Variants in COLEC10 observed in about 807,000 individuals in gnomAD.
COLEC10 encodes the protein collectin subfamily member 10.
A neutral mutation model predicts 28.4 loss-of-function variants in COLEC10; 22 were observed. That is an observed-to-expected ratio of 0.78 (90% CI 0.55 to 1.11). The LOEUF is 1.11. COLEC10 is among the 50% of genes least tolerant of loss of function. COLEC10 has a pLI of 0.00. For synonymous variants in COLEC10, 125 were observed against 116.1 expected (o/e 1.08, Z -0.49); for missense variants, 361 against 344.1 (o/e 1.05, Z -0.39).
the COLEC10 span, among the ~76,000 whole-genome samples, chr8:118,965,279 A>G: frequency 6.6e-6 from 1 of 152,132 alleles, no homozygotes; most frequent in Admixed American, 6.5e-5. Context: ...TAGAGAACTC[A>G]GGCTCTTTCT....
At chr8:119,028,673 G>A (rs537140384) in intron 2 of COLEC10, among the ~76,000 whole-genome samples, 1 of 152,182 alleles carries the variant, frequency 6.6e-6, no homozygotes, top group South Asian at 2.1e-4. Flanking sequence ...TTTGGGTGGG[G>A]ACACAGTCAA....
chr8:118,978,887 G>A, the COLEC10 span, among the ~76,000 whole-genome samples: 4 of 151,666 alleles, frequency 2.6e-5, no homozygotes, highest in Non-Finnish European at 4.4e-5. Flanking sequence ...TATCACTTAG[G>A]CATTTTTAAA....
chr8:118,993,895 A>G (rs535034780), upstream of COLEC10, among the ~76,000 whole-genome samples: 46 of 152,276 alleles, frequency 3.0e-4, no homozygotes, highest in African/African-American at 1.0e-3. Flanking sequence ...GGCCCTGGTT[A>G]AAGATGAAGA....
the COLEC10 span, among the ~76,000 whole-genome samples, chr8:118,969,007 T>C: frequency 3.9e-5 from 6 of 151,976 alleles, no homozygotes; most frequent in Non-Finnish European, 8.8e-5. Flanking sequence ...ACATAATTGA[T>C]TACATTAAGG....
rs146208757 is a variant in COLEC10 at position 119,086,322 on chromosome 8, G to T, written c.149-3358G>T. 3.5e-3 allele frequency among the ~76,000 whole-genome samples: 526 copies of T among 152,174 alleles called. 3 individuals carry two copies. The highest frequency in any genetic ancestry group is 0.012 in the African/African-American group (506 of 41,528). ...GGCTATTTCTAAATGAAGTAAAATAGTGTAAATTGTCCTACTCATCCAGTA... is the reference window on the plus strand; with the variant it reads ...GGCTATTTCTAAATGAAGTAAAATATTGTAAATTGTCCTACTCATCCAGTA... On this transcript the variant is annotated intron_variant, in intron 1 of 5. Coordinates refer to ENST00000332843, the MANE Select transcript of COLEC10 (RefSeq NM_006438.5).
upstream of COLEC10, among the ~76,000 whole-genome samples, chr8:118,991,693 C>T (rs147061618): frequency 1.7e-3 from 263 of 152,282 alleles, no homozygotes; most frequent in Middle Eastern, 0.014. Context: ...TCTTCTACTT[C>T]TGGATTTTCT....
intron 2 of COLEC10, among the ~76,000 whole-genome samples, chr8:119,012,726 A>G (rs1266355286): frequency 6.6e-6 from 1 of 150,470 alleles, no homozygotes; most frequent in African/African-American, 2.5e-5. Flanking sequence ...GAATTCATTC[A>G]TTTTATCTAG....
At chr8:119,008,952 T>A (rs76271417) in intron 1 of COLEC10, among the ~76,000 whole-genome samples, 1,922 of 151,110 alleles carry the variant, frequency 0.013, 163 homozygotes, top group African/African-American at 0.045. Flanking sequence ...CTTTTTTTCC[T>A]GAGCATTATT....
In COLEC10 at chr8:119,089,702, T is replaced by C; in HGVS notation, c.171T>C (p.Asp57=). 6.2e-7 allele frequency: 1 copy of C among 1,613,526 alleles called. No homozygotes were observed. Among genetic ancestry groups the C allele is most frequent in the Non-Finnish European group, 8.5e-7 (1 of 1,179,690 alleles). Residue 57 remains aspartate (D), a synonymous_variant, in exon 2 of 6, where the codon GAT becomes GAC. Coordinates refer to ENST00000332843, the MANE Select transcript of COLEC10 (RefSeq NM_006438.5). ...AAGGAGATGATGGTGAAAAAGGAGA[T>C]CCAGGAGAAGAGGGAAAGCATGGCA... ...GPKGDDGEKG[D]PGEEGKHGKV...
chr8:119,079,357 T>C (rs142755831), intron 1 of COLEC10, among the ~76,000 whole-genome samples: 289 of 152,272 alleles, frequency 1.9e-3, no homozygotes, highest in Non-Finnish European at 3.7e-3. Flanking sequence ...TAAAGTCCCA[T>C]ACCCTTTCAG....
At chr8:119,004,385 T>G (rs1205003413) in intron 1 of COLEC10, among the ~76,000 whole-genome samples, 1 of 151,732 alleles carries the variant, frequency 6.6e-6, no homozygotes, top group East Asian at 2.0e-4. Flanking sequence ...CCTAAGTGGC[T>G]AAGAGCTGCC....
At chr8:119,035,007 C>A (rs1303723794) in intron 2 of COLEC10, among the ~76,000 whole-genome samples, 1 of 152,182 alleles carries the variant, frequency 6.6e-6, no homozygotes, top group East Asian at 1.9e-4. Flanking sequence ...AGCGGCAATA[C>A]TAATAGGGTA....
the COLEC10 span, among the ~76,000 whole-genome samples, chr8:118,952,697 T>A: frequency 2.0e-5 from 3 of 152,284 alleles, no homozygotes; most frequent in East Asian, 5.8e-4. Flanking sequence ...AACCCCACCA[T>A]CATCAAAGGG....
chr8:119,011,171 G>C (rs1395084326), intron 2 of COLEC10, among the ~76,000 whole-genome samples: 3 of 150,994 alleles, frequency 2.0e-5, no homozygotes, highest in Non-Finnish European at 4.4e-5. Flanking sequence ...AGGTTGTAAA[G>C]TCTGTGTCTA....
chr8:118,962,080 A>G, the COLEC10 span, among the ~76,000 whole-genome samples: 3 of 152,182 alleles, frequency 2.0e-5, no homozygotes, highest in African/African-American at 7.2e-5. Context: ...TCTGGCACCC[A>G]TACAAAAATG....
At chr8:119,089,654 CT>C in intron 1 of COLEC10, 25 bp from the exon 2 acceptor site, 1 of 1,573,378 alleles carries the variant, frequency 6.4e-7, no homozygotes, top group Non-Finnish European at 8.7e-7. Context: ...AGATGCTTCA[CT>C]CTATCTCATT....
chr8:118,956,137 A>G, the COLEC10 span, among the ~76,000 whole-genome samples: 1 of 152,050 alleles, frequency 6.6e-6, no homozygotes, highest in African/African-American at 2.4e-5. Flanking sequence ...AGGGTTAGAG[A>G]GTTCTCTGGG....
chr8:119,024,435 C>T (rs1359169914), intron 2 of COLEC10, among the ~76,000 whole-genome samples: 2 of 151,892 alleles, frequency 1.3e-5, no homozygotes, highest in Non-Finnish European at 2.9e-5. Flanking sequence ...TGTATATGAC[C>T]TCAGATGAGA....
At chr8:119,097,468 C>T (rs556599323) in intron 3 of COLEC10, among the ~76,000 whole-genome samples, 17 of 151,944 alleles carry the variant, frequency 1.1e-4, no homozygotes, top group South Asian at 2.1e-4. Flanking sequence ...CATTCATTGA[C>T]GAAAATATTA....
Sources: allele counts gnomAD v4.1 joint callset (sites outside exome capture counted in the v4.1 genomes callset), GRCh38; gene constraint gnomAD v4.1.1; transcripts MANE v1.5; gene names NCBI Gene and HGNC (gene_info 2026-07-23, HGNC 2026-07-21).